The following EYS variants were observed in gnomAD, a reference collection of about 807,000 sequenced individuals.
EYS encodes the protein EGF-like photoreceptor maintenance factor.
In EYS, 250 loss-of-function variants were observed where a neutral mutation model predicts 282.1. That is an observed-to-expected ratio of 0.89 (90% CI 0.80 to 0.98). The LOEUF is 0.98. Ranked by LOEUF, EYS falls within the 50% of genes least tolerant of loss-of-function variation. The pLI is 0.00. For synonymous variants in EYS, 1,355 were observed against 1,282.9 expected, an observed-to-expected ratio of 1.06 and a Z score of -1.20; for missense variants, 4,016 against 3,709.0, an observed-to-expected ratio of 1.08 and a Z score of -2.15.
intron 12 of EYS, among the ~76,000 whole-genome samples, chr6:65,204,729 T>C (rs1026696905): frequency 5.9e-5 from 9 of 151,602 alleles, no homozygotes; most frequent in African/African-American, 2.2e-4. Context: ...TGAACTTAAA[T>C]ATTAATAATT....
intron 12 of EYS, among the ~76,000 whole-genome samples, chr6:65,239,833 C>T (rs957825159): frequency 6.6e-6 from 1 of 152,006 alleles, no homozygotes; most frequent in African/African-American, 2.4e-5. Flanking sequence ...ACTTTCTAAA[C>T]CTCAAATTAC....
chr6:64,377,895 T>C (rs1252339942), intron 29 of EYS: 1 of 152,156 alleles, frequency 6.6e-6, no homozygotes, highest in Non-Finnish European at 1.5e-5. Flanking sequence ...AATTACTTGT[T>C]ATTGCTGTGC....
intron 30 of EYS, among the ~76,000 whole-genome samples, chr6:64,292,742 G>T (rs1768761463): frequency 6.6e-6 from 1 of 152,028 alleles, no homozygotes; most frequent in African/African-American, 2.4e-5. Context: ...TTGACTTTTA[G>T]GTTGAGGAGA....
chr6:65,402,073 G>C (rs1038121689), intron 7 of EYS, among the ~76,000 whole-genome samples: 14 of 151,526 alleles, frequency 9.2e-5, no homozygotes, highest in African/African-American at 3.1e-4. Flanking sequence ...TATCTGCTGA[G>C]GTTTGTGAAA....
chr6:63,930,412 A>AT (rs775548468), intron 35 of EYS, among the ~76,000 whole-genome samples: 1 of 151,242 alleles, frequency 6.6e-6, no homozygotes, highest in Non-Finnish European at 1.5e-5. Context: ...ATAAGTGTTT[A>AT]TAGCATCATT....
At chr6:64,396,748 A>G (rs918569471) in intron 28 of EYS, among the ~76,000 whole-genome samples, 29 of 151,612 alleles carry the variant, frequency 1.9e-4, no homozygotes, top group African/African-American at 6.8e-4. Flanking sequence ...CTGTTTCTAG[A>G]CTCTCTTTTC....
chr6:64,506,609 T>C (rs1456383239), intron 26 of EYS, among the ~76,000 whole-genome samples: 2 of 152,128 alleles, frequency 1.3e-5, no homozygotes, highest in African/African-American at 2.4e-5. Context: ...TACGTTTAAC[T>C]AATTTAAAAC....
intron 24 of EYS, among the ~76,000 whole-genome samples, chr6:64,605,280 A>T (rs1766891726): frequency 1.3e-5 from 2 of 151,830 alleles, no homozygotes; most frequent in South Asian, 4.1e-4. Flanking sequence ...TTATACACTA[A>T]CTACATTTGT....
intron 35 of EYS, among the ~76,000 whole-genome samples, chr6:63,971,604 T>C (rs1394584797): frequency 1.3e-5 from 2 of 152,194 alleles, no homozygotes; most frequent in South Asian, 2.1e-4. Flanking sequence ...TAGAACATTT[T>C]TGAGGCTTTA....
intron 28 of EYS, among the ~76,000 whole-genome samples, chr6:64,405,740 A>T (rs1192417250): frequency 6.6e-6 from 1 of 152,182 alleles, no homozygotes; most frequent in Non-Finnish European, 1.5e-5. Context: ...TGCTACAAAG[A>T]GAATAAAATA....
At chr6:64,305,647 G>T (rs1176050674) in intron 30 of EYS, among the ~76,000 whole-genome samples, 4 of 152,252 alleles carry the variant, frequency 2.6e-5, no homozygotes, top group Non-Finnish European at 5.9e-5. Context: ...CTGGTCTTGT[G>T]AACATATGGT....
At chr6:64,278,342 C>T (rs1184071042) in intron 30 of EYS, among the ~76,000 whole-genome samples, 1 of 152,040 alleles carries the variant, frequency 6.6e-6, no homozygotes, top group East Asian at 1.9e-4. Context: ...TTTCTAATCA[C>T]ATTTTTAGAA....
intron 19 of EYS, among the ~76,000 whole-genome samples, chr6:64,827,967 G>A (rs890624460): frequency 6.6e-6 from 1 of 151,478 alleles, no homozygotes; most frequent in African/African-American, 2.4e-5. Context: ...TATCAGAGAA[G>A]GAATTTAAAA....
chr6:64,012,871 T>C (rs558806733), intron 33 of EYS, among the ~76,000 whole-genome samples: 39 of 152,292 alleles, frequency 2.6e-4, no homozygotes, highest in African/African-American at 8.9e-4. Context: ...AAGCATCCTG[T>C]TTTTGCTTAG....
At chr6:64,758,933 T>C (rs1233767717) in intron 22 of EYS, among the ~76,000 whole-genome samples, 1 of 152,078 alleles carries the variant, frequency 6.6e-6, no homozygotes, top group Non-Finnish European at 1.5e-5. Flanking sequence ...GGTCAGGAGA[T>C]AGAGACCATC....
intron 5 of EYS, among the ~76,000 whole-genome samples, chr6:65,475,718 T>C (rs1018193024): frequency 2.6e-5 from 4 of 151,744 alleles, no homozygotes; most frequent in African/African-American, 9.7e-5. Context: ...ACTCATTTTA[T>C]AAATTTTTGT....
At chr6:63,886,556 A>ATG (rs1375331810) in intron 35 of EYS, among the ~76,000 whole-genome samples, 1 of 152,242 alleles carries the variant, frequency 6.6e-6, no homozygotes, top group East Asian at 1.9e-4. Flanking sequence ...AATGAAAAAC[A>ATG]CTTCAGGGAA....
intron 12 of EYS, among the ~76,000 whole-genome samples, chr6:65,102,092 T>G (rs957810698): frequency 6.6e-6 from 1 of 151,512 alleles, no homozygotes; most frequent in Admixed American, 6.6e-5. Flanking sequence ...TATTTTATTG[T>G]GTTTATAAGA....
intron 35 of EYS, among the ~76,000 whole-genome samples, chr6:63,936,735 G>A (rs760668476): frequency 2.3e-4 from 35 of 152,156 alleles, no homozygotes; most frequent in Non-Finnish European, 4.3e-4. Flanking sequence ...ACATCAACAA[G>A]CTTTTAATGC....
Sources: allele counts gnomAD v4.1 joint callset (sites outside exome capture counted in the v4.1 genomes callset), GRCh38; gene constraint gnomAD v4.1.1; transcripts MANE v1.5; gene names NCBI Gene and HGNC (gene_info 2026-07-23, HGNC 2026-07-21).